Variants in LRBA observed in about 807,000 individuals in gnomAD.
The protein encoded by LRBA is LPS responsive beige-like anchor protein.
LRBA carries 176 observed loss-of-function variants against 330.0 expected under a neutral mutation model. The ratio of observed to expected loss-of-function variants is 0.53; its 90% confidence interval spans 0.47 to 0.60. LRBA has a LOEUF of 0.60. Ranked by LOEUF, LRBA falls within the 20% of genes least tolerant of loss-of-function variation. The pLI is 0.00. For missense variants in LRBA, 3,259 were observed against 3,444.8 expected, an observed-to-expected ratio of 0.95 and a Z score of 1.35; for synonymous variants, 1,230 against 1,193.0, an observed-to-expected ratio of 1.03 and a Z score of -0.64.
chr4:150,836,972 C>T lies in LRBA; in HGVS notation c.4570-4996G>A, dbSNP rs530140180. On this transcript the variant is annotated intron_variant, in intron 28 of 56. Transcript: ENST00000651943. Reference sequence around the variant, plus strand: ...CCTCTACACACTGCTTTAAATGTGTCCCAGAGATTCTGGTATGTTGTGTCT... The same window carrying T: ...CCTCTACACACTGCTTTAAATGTGTTCCAGAGATTCTGGTATGTTGTGTCT... 3.3e-5 allele frequency among the ~76,000 whole-genome samples: 5 copies of T among 152,242 alleles called. No homozygotes were observed. The South Asian group carries it at 1.0e-3, about 32-fold the overall frequency.
intron 14 of LRBA, among the ~76,000 whole-genome samples, 199 bp from the exon 15 acceptor site, chr4:150,898,017 T>C (rs1470058130): frequency 2.6e-5 from 4 of 151,528 alleles, no homozygotes; most frequent in Non-Finnish European, 4.4e-5. Flanking sequence ...ATTTCAAACA[T>C]ACAAACAGGT....
chr4:151,003,102 A>T (rs759223774), intron 2 of LRBA, among the ~76,000 whole-genome samples: 9 of 150,802 alleles, frequency 6.0e-5, no homozygotes, highest in Non-Finnish European at 1.0e-4. Context: ...AGAAATAGAA[A>T]AAAACAATCC....
chr4:150,265,610 A>G lies in LRBA; in HGVS notation c.*112T>C, dbSNP rs774285734. On this transcript the variant is annotated 3_prime_UTR_variant, in exon 57 of 57. Coordinates refer to ENST00000651943, the MANE Select transcript of LRBA (RefSeq NM_001364905.1). ...TAGCAATTATTAATAACTTTAAAAAATATTTTGCTTCTTTGAGCAAATTTA... is the reference window on the plus strand; with the variant it reads ...TAGCAATTATTAATAACTTTAAAAAGTATTTTGCTTCTTTGAGCAAATTTA... The G allele has an allele frequency of 6.9e-5, 48 of 692,578 alleles. No homozygotes were observed. Among genetic ancestry groups the G allele is most frequent in the Non-Finnish European group, 1.2e-4 (46 of 391,450 alleles). 42.9% of individuals were successfully genotyped at this position (692,578 alleles called of 1,614,324 possible). A position where few individuals can be genotyped will look rare whatever the true frequency, so the allele number is the denominator to read the frequency against.
intron 34 of LRBA, among the ~76,000 whole-genome samples, chr4:150,790,797 T>G (rs1274776830): frequency 6.6e-6 from 1 of 152,170 alleles, no homozygotes; most frequent in African/African-American, 2.4e-5. Flanking sequence ...TTCTGAGCAT[T>G]TCAGCAAAGA....
chr4:150,455,769 T>A (rs1048937730), intron 44 of LRBA, among the ~76,000 whole-genome samples: 2 of 151,432 alleles, frequency 1.3e-5, no homozygotes, highest in African/African-American at 4.8e-5. Context: ...ATCTTGATAA[T>A]TTTTTTTTGT....
At chr4:150,732,138 C>T (rs2127130329) in intron 36 of LRBA, among the ~76,000 whole-genome samples, 1 of 152,052 alleles carries the variant, frequency 6.6e-6, no homozygotes, top group African/African-American at 2.4e-5. Context: ...TATTAACCTT[C>T]TATTCTTTCA....
intron 44 of LRBA, among the ~76,000 whole-genome samples, chr4:150,457,644 TA>T (rs1460389757): frequency 1.3e-5 from 2 of 151,856 alleles, no homozygotes; most frequent in African/African-American, 4.8e-5. Flanking sequence ...GTCCTTCTAC[TA>T]AATTCACTTT....
Position 150,360,127 on chromosome 4 carries a change from T to C in LRBA, c.7195-9968A>G, listed in dbSNP as rs1738471578. Among the ~76,000 whole-genome samples the C allele has an allele frequency of 2.0e-5, 3 of 152,040 alleles. No homozygotes were observed. In the South Asian group the frequency reaches 6.2e-4, roughly 32 times the overall value. ...CCATGCCAGATATGCAATTTAAAAT[T>C]TTCTAGTAGCCACATTTTTTTAATT... On this transcript the variant is annotated intron_variant, in intron 47 of 56. Transcript: ENST00000651943.
intron 47 of LRBA, among the ~76,000 whole-genome samples, chr4:150,405,505 G>A (rs1746072502): frequency 6.6e-6 from 1 of 152,064 alleles, no homozygotes; most frequent in East Asian, 1.9e-4. Context: ...CTCTTCTGAT[G>A]CCATTTTGAA....
chr4:150,776,470 A>T (rs568335246), intron 34 of LRBA, among the ~76,000 whole-genome samples: 2 of 152,344 alleles, frequency 1.3e-5, no homozygotes, highest in East Asian at 3.9e-4. Flanking sequence ...GTTTCGTATT[A>T]TACTATTATT....
intron 40 of LRBA, among the ~76,000 whole-genome samples, chr4:150,572,523 T>C (rs1323388592): frequency 1.3e-5 from 2 of 152,172 alleles, no homozygotes; most frequent in African/African-American, 4.8e-5. Flanking sequence ...CTACCTTTAC[T>C]TGACTAAGTA....
At chr4:150,543,553 A>G (rs548497545) in intron 40 of LRBA, among the ~76,000 whole-genome samples, 100 of 152,328 alleles carry the variant, frequency 6.6e-4, no homozygotes, top group Non-Finnish European at 1.3e-3. Flanking sequence ...TATGAATGGT[A>G]AACTTATTTT....
chr4:150,818,553 TGTGTGTGTGTGC>T (rs1027243518), intron 30 of LRBA, among the ~76,000 whole-genome samples: 6 of 151,026 alleles, frequency 4.0e-5, no homozygotes, highest in African/African-American at 1.2e-4. Flanking sequence ...TGTGTGTGTG[TGTGTGTGTGTGC>T]GTGCACGAAT....
intron 2 of LRBA, among the ~76,000 whole-genome samples, chr4:150,993,842 T>C (rs2149633379): frequency 6.6e-6 from 1 of 151,524 alleles, no homozygotes; most frequent in East Asian, 1.9e-4. Flanking sequence ...ATTATGGGAG[T>C]ACAATTCAAG....
chr4:150,360,097 T>C (rs943421340), intron 47 of LRBA, among the ~76,000 whole-genome samples: 45 of 152,132 alleles, frequency 3.0e-4, no homozygotes, highest in African/African-American at 9.9e-4. Context: ...CCAACAGATA[T>C]ATATCCATGC....
intron 17 of LRBA, 62 bp downstream of exon 17, chr4:150,892,990 T>G (rs1288154782): frequency 3.9e-6 from 4 of 1,018,664 alleles, no homozygotes; most frequent in Non-Finnish European, 5.9e-6. Flanking sequence ...CTTTTCATAT[T>G]TAAGAAGCTT....
chr4:150,766,430 G>T (rs1333033928), intron 34 of LRBA, among the ~76,000 whole-genome samples: 1 of 152,062 alleles, frequency 6.6e-6, no homozygotes, highest in African/African-American at 2.4e-5. Flanking sequence ...TAATCCAGGT[G>T]TTAGTCAAAG....
chr4:150,898,566 A>C (rs1730365345), intron 14 of LRBA, among the ~76,000 whole-genome samples: 1 of 152,146 alleles, frequency 6.6e-6, no homozygotes, highest in Non-Finnish European at 1.5e-5. Context: ...CCACCAAAGC[A>C]TAGGACCACC....
chr4:150,922,394 G>GTATATATATATATATATATATA (rs56340108), intron 4 of LRBA, among the ~76,000 whole-genome samples: 14 of 139,726 alleles, frequency 1.0e-4, no homozygotes, highest in East Asian at 8.5e-4. Context: ...AGAAACTGTG[G>GTATATATATATATATATATATA]TATATATATA....
Sources: gnomAD v4.1 joint callset for allele counts (sites outside exome capture counted in the v4.1 genomes callset) on GRCh38, gnomAD v4.1.1 for gene constraint, MANE v1.5 for transcripts, NCBI Gene and HGNC (gene_info 2026-07-23, HGNC 2026-07-21) for gene names.